The following GPATCH8 variants were observed in gnomAD, a reference collection of about 807,000 sequenced individuals.
GPATCH8 encodes the protein G-patch domain containing 8.
Under a neutral mutation model 118.3 loss-of-function variants are expected in GPATCH8, and 18 were observed. That is an observed-to-expected ratio of 0.15 (90% CI 0.11 to 0.23). The LOEUF (loss-of-function observed/expected upper bound fraction) is 0.23. GPATCH8 is among the 10% of genes least tolerant of loss of function. The pLI is 1.00. For synonymous variants in GPATCH8, 659 were observed against 684.7 expected, an observed-to-expected ratio of 0.96 and a Z score of 0.59; for missense variants, 1,631 against 1,873.8, an observed-to-expected ratio of 0.87 and a Z score of 2.39.
chr17:44,459,731 TA>T (rs148766076), intron 3 of GPATCH8, among the ~76,000 whole-genome samples: 33 of 146,904 alleles, frequency 2.2e-4, no homozygotes, highest in South Asian at 4.3e-4. Context: ...CTACAGCAGT[TA>T]AAAAAAAAAG....
chr17:44,404,500 AT>A (rs1202518970), intron 7 of GPATCH8, among the ~76,000 whole-genome samples: 5 of 152,078 alleles, frequency 3.3e-5, no homozygotes, highest in Admixed American at 3.3e-4. Flanking sequence ...GTCATAATTT[AT>A]TGATTTATTG....
At chr17:44,408,769 G>A (rs2049323265) in intron 6 of GPATCH8, among the ~76,000 whole-genome samples, 1 of 152,116 alleles carries the variant, frequency 6.6e-6, no homozygotes, top group South Asian at 2.1e-4. Context: ...TCCTACCACA[G>A]GAATATGGTT....
At chr17:44,435,438 A>T (rs2050470317) in intron 4 of GPATCH8, among the ~76,000 whole-genome samples, 2 of 73,088 alleles carry the variant, frequency 2.7e-5, no homozygotes, top group African/African-American at 4.9e-5. Flanking sequence ...TTTGAGATGG[A>T]GTTTCACTCT....
Position 44,398,526 on chromosome 17 carries a change from C to G in GPATCH8, c.3551G>C (p.Ser1184Thr). The G allele has an allele frequency of 6.3e-7, 1 of 1,596,920 alleles. No homozygotes were observed. Among genetic ancestry groups the G allele is most frequent in the Non-Finnish European group, 8.5e-7 (1 of 1,172,576 alleles). The change falls in exon 8 of 8, where the codon AGT becomes ACT. Residue 1184 changes from serine to threonine, a missense_variant. Transcript: ENST00000591680. ...CTGATGCCCAAATAGGGCATCACTA[C>G]TCCCTGGGGGCCCCTCTTCTGTCTC... Reference protein sequence around the residue: ...QSETEEGPPGSSDALFGHQFP... With the variant: ...QSETEEGPPGTSDALFGHQFP...
At chr17:44,408,249 G>C (rs1317450258) in intron 6 of GPATCH8, among the ~76,000 whole-genome samples, 1 of 144,280 alleles carries the variant, frequency 6.9e-6, no homozygotes, top group Non-Finnish European at 1.5e-5. Flanking sequence ...AGTGGTGTGT[G>C]ATCTTGGCTC....
intron 5 of GPATCH8, among the ~76,000 whole-genome samples, chr17:44,429,391 T>C (rs1395751664): frequency 6.6e-6 from 1 of 152,160 alleles, no homozygotes; most frequent in Non-Finnish European, 1.5e-5. Flanking sequence ...TGTGTATTCC[T>C]TGAACACAGG....
rs1035381034 is a variant in GPATCH8 at position 44,483,492 on chromosome 17, G to A, written c.46-8589C>T. ...TCTTGAACTCCTGACCTTGTGATCT[G>A]CCCACCTCGGCCTCCCAAAGTGTTG... is the stretch of plus-strand genomic sequence containing the variant. On this transcript the variant is annotated intron_variant, in intron 1 of 7. Transcript: ENST00000591680. Among the ~76,000 whole-genome samples the A allele has an allele frequency of 4.0e-5, 6 of 151,332 alleles. No individual in the cohort carries two copies. The South Asian group carries it at 1.3e-3, about 32-fold the overall frequency.
chr17:44,492,968 A>G (rs73983995), intron 1 of GPATCH8, among the ~76,000 whole-genome samples: 39 of 152,248 alleles, frequency 2.6e-4, no homozygotes, highest in African/African-American at 8.4e-4. Context: ...AGACCCACAG[A>G]CAGTGAAAAG....
chr17:44,481,789 T>C (rs1033708034), intron 1 of GPATCH8, among the ~76,000 whole-genome samples: 1 of 152,162 alleles, frequency 6.6e-6, no homozygotes, highest in Non-Finnish European at 1.5e-5. Context: ...CATAGGCAGA[T>C]TGTAGTGGCA....
intron 3 of GPATCH8, among the ~76,000 whole-genome samples, chr17:44,455,161 A>C (rs1397305159): frequency 6.6e-6 from 1 of 152,210 alleles, no homozygotes; most frequent in East Asian, 1.9e-4. Flanking sequence ...CTTATATTTG[A>C]ATGGCAGACC....
At position 44,398,329 on chromosome 17, in the gene GPATCH8, C is replaced by G; in HGVS notation, c.3748G>C (p.Gly1250Arg). Residue 1250 changes from glycine (G) to arginine (R), a missense_variant, in exon 8 of 8, where the codon GGG becomes CGG. Physicochemically the swap from Gly to Arg is moderately radical, Grantham distance 125. Transcript: ENST00000591680. ...CTATCCAGGGACTCCAGGGTGTCCC[C>G]ATCACTGGGGTCGGGGAGGTAGTTA... is the stretch of plus-strand genomic sequence containing the variant. ...SHNYLPDPSD[G>R]DTLESLDSSS... 1 of 1,614,028 alleles carries G rather than the reference C, an allele frequency of 6.2e-7. No individual in the cohort carries two copies. Among genetic ancestry groups the G allele is most frequent in the South Asian group, 1.1e-5 (1 of 91,086 alleles).
intron 3 of GPATCH8, among the ~76,000 whole-genome samples, chr17:44,441,785 T>C (rs1325574756): frequency 1.6e-5 from 2 of 128,178 alleles, no homozygotes; most frequent in South Asian, 5.1e-4. Flanking sequence ...TCCCAGCAAT[T>C]TGGGAGGCCG....
chr17:44,495,580 C>T (rs1969605556), intron 1 of GPATCH8, among the ~76,000 whole-genome samples: 1 of 152,324 alleles, frequency 6.6e-6, no homozygotes, highest in East Asian at 1.9e-4. Flanking sequence ...AATACTTACA[C>T]TACAATACGT....
rs74982900 is a variant in GPATCH8 at position 44,471,263 on chromosome 17, A to G, written c.120+3566T>C. ...ATATTTTCAACATTTACCTAATAAAATTGAAATACCAATATCTCACTAACA... is the reference window on the plus strand; with the variant it reads ...ATATTTTCAACATTTACCTAATAAAGTTGAAATACCAATATCTCACTAACA... On this transcript the variant is annotated intron_variant, in intron 2 of 7. Transcript: ENST00000591680. Among the ~76,000 whole-genome samples, 1,120 of 152,362 alleles carry G rather than the reference A, an allele frequency of 7.4e-3. 13 individuals carry two copies. The highest frequency in any genetic ancestry group is 0.017 in the Middle Eastern group (5 of 294).
intron 2 of GPATCH8, among the ~76,000 whole-genome samples, chr17:44,473,052 T>A (rs1431271682): frequency 6.6e-6 from 1 of 152,032 alleles, no homozygotes; most frequent in Non-Finnish European, 1.5e-5. Context: ...AAATACAAGA[T>A]ACTGTCTAGC....
chr17:44,406,262 T>C (rs986397191), intron 6 of GPATCH8, among the ~76,000 whole-genome samples: 1 of 152,236 alleles, frequency 6.6e-6, no homozygotes, highest in African/African-American at 2.4e-5. Context: ...TAGGACAGCA[T>C]ATCATTTGCT....
At chr17:44,419,052 T>A (rs1011509576) in intron 6 of GPATCH8, among the ~76,000 whole-genome samples, 1 of 152,154 alleles carries the variant, frequency 6.6e-6, no homozygotes, top group Non-Finnish European at 1.5e-5. Context: ...CACCCCCGCA[T>A]CCTGTCAGGA....
intron 2 of GPATCH8, among the ~76,000 whole-genome samples, chr17:44,473,123 C>T (rs2144368053): frequency 6.6e-6 from 1 of 151,492 alleles, no homozygotes; most frequent in East Asian, 2.0e-4. Flanking sequence ...CAGAACAAGG[C>T]ACAAACCAGT....
intron 3 of GPATCH8, among the ~76,000 whole-genome samples, chr17:44,444,813 G>C (rs2050819011): frequency 6.6e-6 from 1 of 152,106 alleles, no homozygotes; most frequent in Admixed American, 6.6e-5. Context: ...TGTGCCCTGA[G>C]TTTTACTTAT....
Sources: gnomAD v4.1 joint callset for allele counts (sites outside exome capture counted in the v4.1 genomes callset) on GRCh38, gnomAD v4.1.1 for gene constraint, MANE v1.5 for transcripts, NCBI Gene and HGNC (gene_info 2026-07-23, HGNC 2026-07-21) for gene names.